The following PFKFB3 variants were observed in gnomAD, a reference collection of about 807,000 sequenced individuals.
PFKFB3 encodes the protein 6-phosphofructo-2-kinase/fructose-2,6-bisphosphatase 3.
In PFKFB3, 33 loss-of-function variants were observed where a neutral mutation model predicts 68.0. That is an observed-to-expected ratio of 0.49 (90% CI 0.37 to 0.65). The LOEUF is 0.65. Among genes scored for constraint, PFKFB3 ranks in the 30% least tolerant of loss-of-function variants. The probability of loss-of-function intolerance (pLI) is 0.00; values close to 1 mark genes in which losing one functional copy is unlikely to be tolerated. For missense variants in PFKFB3, 586 were observed against 712.2 expected, an observed-to-expected ratio of 0.82 and a Z score of 2.02; for synonymous variants, 315 against 288.2, an observed-to-expected ratio of 1.09 and a Z score of -0.94.
intron 1 of PFKFB3, among the ~76,000 whole-genome samples, chr10:6,179,921 G>C (rs547314885): frequency 6.6e-6 from 1 of 152,216 alleles, no homozygotes; most frequent in African/African-American, 2.4e-5. Flanking sequence ...TAACTAACTC[G>C]AGACCAGGAG....
At chr10:6,145,035 C>A in intron 1 of PFKFB3, 1 of 1,326,000 alleles carries the variant, frequency 7.5e-7, no homozygotes, top group Non-Finnish European at 9.6e-7. Flanking sequence ...GGTGACGCGG[C>A]CCACGCCCCC....
At chr10:6,304,343 T>A in the PFKFB3 span, among the ~76,000 whole-genome samples, 4 of 151,914 alleles carry the variant, frequency 2.6e-5, no homozygotes, top group Non-Finnish European at 5.9e-5. Flanking sequence ...ATGGTGGATT[T>A]GGGGTCATGA....
the PFKFB3 span, among the ~76,000 whole-genome samples, chr10:6,262,349 G>A: frequency 8.8e-6 from 1 of 113,340 alleles, no homozygotes; most frequent in Non-Finnish European, 1.9e-5. Context: ...AGCTGCTCCA[G>A]AGGCTGAGGC....
At chr10:6,289,676 T>A in the PFKFB3 span, among the ~76,000 whole-genome samples, 1 of 152,318 alleles carries the variant, frequency 6.6e-6, no homozygotes, top group Non-Finnish European at 1.5e-5. Context: ...TAGGATTGAC[T>A]TGGCGATGCG....
upstream of PFKFB3, chr10:6,197,880 T>A (rs1843217099): frequency 6.6e-6 from 1 of 152,214 alleles, no homozygotes; most frequent in South Asian, 2.1e-4. Flanking sequence ...ATCTTATATC[T>A]CTGTCTGTCA....
At chr10:6,203,409 G>A in intron 1 of PFKFB3, 73 bp downstream of exon 1, 4 of 1,195,214 alleles carry the variant, frequency 3.3e-6, no homozygotes, top group Non-Finnish European at 4.6e-6. Flanking sequence ...GGGCGGCTTT[G>A]TGCCGACGCC....
the PFKFB3 span, among the ~76,000 whole-genome samples, chr10:6,265,001 G>T: frequency 3.3e-5 from 5 of 151,856 alleles, no homozygotes; most frequent in South Asian, 2.1e-4. Flanking sequence ...GAGGTACACG[G>T]TCTCATTCAG....
chr10:6,197,053 C>T (rs925486254), intron 1 of PFKFB3, among the ~76,000 whole-genome samples: 5 of 151,924 alleles, frequency 3.3e-5, no homozygotes, highest in African/African-American at 9.7e-5. Context: ...GGCGTGATCT[C>T]GGCTCACTGC....
the PFKFB3 span, among the ~76,000 whole-genome samples, chr10:6,301,033 G>A: frequency 6.6e-6 from 1 of 152,240 alleles, no homozygotes; most frequent in African/African-American, 2.4e-5. Context: ...GTCCGTAACA[G>A]TGGAAGCTGC....
rs575921984 is a variant in PFKFB3 at position 6,167,701 on chromosome 10, CCT to C, written c.16+22693_16+22694del. Among the ~76,000 whole-genome samples the C allele has an allele frequency of 2.0e-3, 310 of 152,310 alleles. 2 individuals carry two copies. The highest frequency in any genetic ancestry group is 7.1e-3 in the African/African-American group (297 of 41,568). ...CTGAGGCAGCATTCGTATCTGGTGG[CCT>C]CTCTGCTCTGAGCAGTTTGTGGAGC... On this transcript the variant is annotated intron_variant, in intron 1 of 14. Coordinates refer to the PFKFB3 transcript ENST00000379789.
downstream of PFKFB3, among the ~76,000 whole-genome samples, chr10:6,239,708 C>G (rs1230268433): frequency 1.3e-5 from 2 of 152,154 alleles, no homozygotes; most frequent in Non-Finnish European, 2.9e-5. Context: ...GGGTCTTGCT[C>G]TGTTGCCCAG....
intron 1 of PFKFB3, among the ~76,000 whole-genome samples, chr10:6,170,099 AC>A (rs1362184443): frequency 6.6e-6 from 1 of 151,956 alleles, no homozygotes; most frequent in Non-Finnish European, 1.5e-5. Context: ...GCCTGGGCCC[AC>A]CCCGTGGTTC....
chr10:6,218,814 A>G (rs1844762888), intron 6 of PFKFB3, among the ~76,000 whole-genome samples: 1 of 152,116 alleles, frequency 6.6e-6, no homozygotes, highest in African/African-American at 2.4e-5. Flanking sequence ...TATCCGCAGG[A>G]CTTTCTCATC....
At chr10:6,246,530 T>C (rs1030589274) in intron 14 of PFKFB3, among the ~76,000 whole-genome samples, 1 of 151,444 alleles carries the variant, frequency 6.6e-6, no homozygotes, top group African/African-American at 2.4e-5. Flanking sequence ...TTAGTAGAGA[T>C]GGGGTTTTAC....
At position 6,210,049 on chromosome 10, in the gene PFKFB3, G is replaced by GTGCGCCCCTCTCTTGTT. The variant is rs1204853552; in HGVS notation, c.77-3574_77-3573insTGCGCCCCTCTCTTGTT. On this transcript the variant is annotated intron_variant, in intron 1 of 14. Transcript: ENST00000379775. Reference sequence around the variant, plus strand: ...TTACAGGCGTGAGCCACCGTGCCCGGCCTAATACTTATCTTTTCTAATCAC... The same window carrying GTGCGCCCCTCTCTTGTT: ...TTACAGGCGTGAGCCACCGTGCCCGGTGCGCCCCTCTCTTGTTCCTAATACTTATCTTTTCTAATCAC... Among the ~76,000 whole-genome samples the GTGCGCCCCTCTCTTGTT allele has an allele frequency of 2.0e-3, 250 of 122,852 alleles. 7 individuals are homozygous for GTGCGCCCCTCTCTTGTT. The highest frequency in any genetic ancestry group is 3.4e-3 in the Admixed American group (40 of 11,860). 80.6% of individuals were successfully genotyped at this position (122,852 alleles called of 152,430 possible).
chr10:6,316,795 T>A, the PFKFB3 span, among the ~76,000 whole-genome samples: 2 of 152,156 alleles, frequency 1.3e-5, no homozygotes, highest in Non-Finnish European at 2.9e-5. Flanking sequence ...GGGAGTGGCA[T>A]CTTCTTCCAG....
At chr10:6,273,673 A>G in the PFKFB3 span, among the ~76,000 whole-genome samples, 1 of 152,224 alleles carries the variant, frequency 6.6e-6, no homozygotes, top group Non-Finnish European at 1.5e-5. Flanking sequence ...TCCAGAGGCC[A>G]TCAAGTTAAA....
At chr10:6,146,011 G>T (rs1374280159) in intron 1 of PFKFB3, among the ~76,000 whole-genome samples, 2 of 152,202 alleles carry the variant, frequency 1.3e-5, no homozygotes, top group African/African-American at 4.8e-5. Flanking sequence ...TTTCAAATCA[G>T]AGTTGTGTGA....
chr10:6,268,443 G>A, the PFKFB3 span, among the ~76,000 whole-genome samples: 2 of 151,890 alleles, frequency 1.3e-5, no homozygotes, highest in South Asian at 4.2e-4. Flanking sequence ...TGGCCAACAT[G>A]GAGAAACCCC....
Sources: gnomAD v4.1 joint callset for allele counts (sites outside exome capture counted in the v4.1 genomes callset) on GRCh38, gnomAD v4.1.1 for gene constraint, MANE v1.5 for transcripts, NCBI Gene and HGNC (gene_info 2026-07-23, HGNC 2026-07-21) for gene names.